The following RBMS3 variants were observed in gnomAD, a reference collection of about 807,000 sequenced individuals.
RBMS3 encodes the protein RNA binding motif single stranded interacting protein 3, also known as RNA-binding motif, single-stranded-interacting protein 3.
A neutral mutation model predicts 66.8 loss-of-function variants in RBMS3; 27 were observed. That is an observed-to-expected ratio of 0.40 (90% CI 0.30 to 0.56). The LOEUF is 0.56. Ranked by LOEUF, RBMS3 falls within the 20% of genes least tolerant of loss-of-function variation. RBMS3 has a pLI of 0.40. For synonymous variants in RBMS3, 188 were observed against 183.0 expected (o/e 1.03, Z -0.22); for missense variants, 513 against 549.5 (o/e 0.93, Z 0.66).
chr3:29,336,074 G>T lies in RBMS3; in HGVS notation c.75+54318G>T, dbSNP rs1377607181. Among the ~76,000 whole-genome samples, 3 of 152,136 alleles carry T rather than the reference G, an allele frequency of 2.0e-5. No individual in the cohort carries two copies. In the East Asian group the frequency reaches 5.8e-4, roughly 29 times the overall value. On this transcript the variant is annotated intron_variant, in intron 1 of 14. Coordinates refer to ENST00000383767, the MANE Select transcript of RBMS3 (RefSeq NM_001003793.3). ...TTGCATCCCATAACTTCGTAGCAAA[G>T]CCTCCATCTGGAATGAATTCGGCAT...
At chr3:29,715,661 T>C (rs1441384241) in intron 4 of RBMS3, among the ~76,000 whole-genome samples, 3 of 152,106 alleles carry the variant, frequency 2.0e-5, no homozygotes, top group Admixed American at 2.0e-4. Context: ...AATGGCTGTT[T>C]TTCTGATTAA....
intron 4 of RBMS3, among the ~76,000 whole-genome samples, chr3:29,592,873 C>G (rs1392158516): frequency 6.6e-6 from 1 of 151,812 alleles, no homozygotes; most frequent in Non-Finnish European, 1.5e-5. Flanking sequence ...ATGGATGAAG[C>G]TGGAAACCAT....
At chr3:29,321,795 T>C (rs936784142) in intron 1 of RBMS3, among the ~76,000 whole-genome samples, 18 of 152,080 alleles carry the variant, frequency 1.2e-4, no homozygotes, top group African/African-American at 3.9e-4. Context: ...GCTGGAGATA[T>C]TCAGCTGAGG....
chr3:29,968,946 C>G (rs1483483678), intron 12 of RBMS3, among the ~76,000 whole-genome samples: 2 of 152,150 alleles, frequency 1.3e-5, no homozygotes, highest in Non-Finnish European at 2.9e-5. Flanking sequence ...GTAAGACAGA[C>G]GCAGAGTGAT....
Position 29,520,310 on chromosome 3 carries a change from T to A in RBMS3, c.307+31811T>A, listed in dbSNP as rs548336023. Among the ~76,000 whole-genome samples the A allele has an allele frequency of 2.0e-5, 3 of 152,346 alleles. No individual in the cohort carries two copies. In the South Asian group the frequency reaches 6.2e-4, roughly 32 times the overall value. ...TGCATGTCAAAATAATAATATTTTTTATAGCTAGGGTTAAATTAAATATAT... is the reference window on the plus strand; with the variant it reads ...TGCATGTCAAAATAATAATATTTTTAATAGCTAGGGTTAAATTAAATATAT... On this transcript the variant is annotated intron_variant, in intron 3 of 14. Coordinates refer to ENST00000383767, the MANE Select transcript of RBMS3 (RefSeq NM_001003793.3).
At chr3:29,285,426 T>C (rs1308330137) in intron 1 of RBMS3, among the ~76,000 whole-genome samples, 3 of 152,024 alleles carry the variant, frequency 2.0e-5, no homozygotes, top group Non-Finnish European at 4.4e-5. Flanking sequence ...TCATAAAACT[T>C]AAAAAGTTAC....
chr3:29,570,952 G>A (rs2046930423), intron 3 of RBMS3, among the ~76,000 whole-genome samples: 1 of 151,738 alleles, frequency 6.6e-6, no homozygotes, highest in East Asian at 1.9e-4. Context: ...CAGTATACAA[G>A]GGTTGGTTCC....
At chr3:29,988,046 T>C (rs1698550275) in intron 12 of RBMS3, 97 bp from the exon 13 acceptor site, 1 of 953,304 alleles carries the variant, frequency 1.0e-6, no homozygotes. Context: ...ACACTGGCTA[T>C]GGGCCCCATA....
At chr3:29,557,382 A>G (rs2046402160) in intron 3 of RBMS3, among the ~76,000 whole-genome samples, 2 of 152,242 alleles carry the variant, frequency 1.3e-5, no homozygotes, top group African/African-American at 4.8e-5. Context: ...TATCAATGTC[A>G]TTCTTTCCAT....
chr3:29,897,974 G>A (rs1043290690), intron 9 of RBMS3, among the ~76,000 whole-genome samples: 3 of 151,572 alleles, frequency 2.0e-5, no homozygotes, highest in Non-Finnish European at 3.0e-5. Flanking sequence ...AAAGTTGTTC[G>A]TATTCCCTGC....
intron 1 of RBMS3, among the ~76,000 whole-genome samples, chr3:29,297,429 C>T (rs1162696858): frequency 6.6e-6 from 1 of 151,732 alleles, no homozygotes; most frequent in African/African-American, 2.4e-5. Flanking sequence ...TATAATGGAG[C>T]ACAAATCCTT....
At chr3:29,523,298 A>G (rs145523711) in intron 3 of RBMS3, among the ~76,000 whole-genome samples, 6 of 152,330 alleles carry the variant, frequency 3.9e-5, no homozygotes, top group African/African-American at 1.2e-4. Context: ...TTGTTTGAAC[A>G]AAATGATTTT....
At chr3:29,939,929 C>A (rs1027352992) in intron 11 of RBMS3, among the ~76,000 whole-genome samples, 2 of 151,762 alleles carry the variant, frequency 1.3e-5, no homozygotes, top group African/African-American at 2.4e-5. Flanking sequence ...ATCTCATGAG[C>A]TTTCCAGAAC....
At chr3:29,314,931 A>G (rs1444544808) in intron 1 of RBMS3, among the ~76,000 whole-genome samples, 2 of 151,804 alleles carry the variant, frequency 1.3e-5, no homozygotes, top group Non-Finnish European at 2.9e-5. Context: ...TATGCCAAAA[A>G]TCACTGGAGC....
intron 2 of RBMS3, among the ~76,000 whole-genome samples, chr3:29,449,201 C>A (rs574357143): frequency 6.6e-6 from 1 of 152,274 alleles, no homozygotes; most frequent in South Asian, 2.1e-4. Context: ...TCTAACAATA[C>A]AACATACCTA....
intron 4 of RBMS3, among the ~76,000 whole-genome samples, chr3:29,695,149 A>AGTTT (rs2052208861): frequency 6.6e-6 from 1 of 152,064 alleles, no homozygotes; most frequent in South Asian, 2.1e-4. Context: ...CTACTGTAGC[A>AGTTT]GTTTGTTCAT....
chr3:29,360,375 C>G (rs537663971), intron 1 of RBMS3, among the ~76,000 whole-genome samples: 1 of 152,072 alleles, frequency 6.6e-6, no homozygotes, highest in Admixed American at 6.5e-5. Flanking sequence ...GTTTCTTAAT[C>G]CTGAGTTCTA....
intron 10 of RBMS3, among the ~76,000 whole-genome samples, chr3:29,926,417 A>G (rs2060940033): frequency 6.6e-6 from 1 of 152,218 alleles, no homozygotes; most frequent in African/African-American, 2.4e-5. Context: ...CTTTCTTAGT[A>G]ATAGCCAAAA....
At chr3:29,968,993 C>T (rs1223223679) in intron 12 of RBMS3, among the ~76,000 whole-genome samples, 1 of 152,170 alleles carries the variant, frequency 6.6e-6, no homozygotes, top group African/African-American at 2.4e-5. Context: ...TAAGAGATCT[C>T]AAAAACTTCT....
Sources: gnomAD v4.1 joint callset for allele counts (sites outside exome capture counted in the v4.1 genomes callset) on GRCh38, gnomAD v4.1.1 for gene constraint, MANE v1.5 for transcripts, NCBI Gene and HGNC (gene_info 2026-07-23, HGNC 2026-07-21) for gene names.